GSE1: variants seen among roughly 807,000 people sequenced by gnomAD.
The protein encoded by GSE1 is Gse1 coiled-coil protein.
GSE1 carries 32 observed loss-of-function variants against 112.6 expected under a neutral mutation model. That is an observed-to-expected ratio of 0.28 (90% CI 0.21 to 0.38). The LOEUF is 0.38. Ranked by LOEUF, GSE1 falls within the 10% of genes least tolerant of loss-of-function variation. GSE1 has a pLI of 1.00. For synonymous variants in GSE1, 1,115 were observed against 735.6 expected, an observed-to-expected ratio of 1.52 and a Z score of -8.35; for missense variants, 2,348 against 1,699.2, an observed-to-expected ratio of 1.38 and a Z score of -6.71.
chr16:85,445,027 C>T (rs1423458104), intron 2 of GSE1, among the ~76,000 whole-genome samples: 2 of 152,238 alleles, frequency 1.3e-5, no homozygotes, highest in Non-Finnish European at 2.9e-5. Context: ...GGTTTCCCGC[C>T]GCACGCAGGC....
At chr16:85,509,650 C>T (rs947295520) in intron 2 of GSE1, among the ~76,000 whole-genome samples, 1 of 152,202 alleles carries the variant, frequency 6.6e-6, no homozygotes, top group Non-Finnish European at 1.5e-5. Flanking sequence ...GTATGCTGGC[C>T]CTGAAGGCCA....
intron 1 of GSE1, among the ~76,000 whole-genome samples, chr16:85,567,231 A>AG (rs1344972671): frequency 6.6e-6 from 1 of 152,078 alleles, no homozygotes; most frequent in African/African-American, 2.4e-5. Context: ...GTGGGTCTGC[A>AG]GGGGACCAGG....
intron 1 of GSE1, among the ~76,000 whole-genome samples, chr16:85,304,923 C>G (rs950230498): frequency 6.6e-6 from 1 of 152,222 alleles, no homozygotes; most frequent in African/African-American, 2.4e-5. Flanking sequence ...TAGCCCAGCA[C>G]TGAGTGACCC....
At chr16:85,612,419 C>T (rs1032722365), upstream of GSE1, among the ~76,000 whole-genome samples, 13 of 152,104 alleles carry the variant, frequency 8.5e-5, no homozygotes, top group Non-Finnish European at 1.8e-4. Flanking sequence ...AGGCGCTGCG[C>T]TGGGGCCAGA....
chr16:85,185,902 A>G (rs567134067), intron 1 of GSE1, among the ~76,000 whole-genome samples: 1 of 152,314 alleles, frequency 6.6e-6, no homozygotes, highest in African/African-American at 2.4e-5. Context: ...TATGGGGGAA[A>G]TTGACACAGT....
chr16:85,349,095 G>A (rs965173149), intron 1 of GSE1, among the ~76,000 whole-genome samples: 1 of 152,182 alleles, frequency 6.6e-6, no homozygotes, highest in Non-Finnish European at 1.5e-5. Context: ...TTACTCATTT[G>A]CCGGGTGCTG....
Position 85,323,553 on chromosome 16 carries a change from G to A in GSE1, c.2284-33910G>A, listed in dbSNP as rs1366547837. Among the ~76,000 whole-genome samples the A allele has an allele frequency of 3.9e-5, 6 of 152,230 alleles. No homozygotes were observed. The East Asian group carries it at 7.8e-4, about 20-fold the overall frequency. ...GGTGGATGGCACAGCCTGGTAGCTCGCGGGAGGTGAGGTGGGGCATGAAAT... is the reference window on the plus strand; with the variant it reads ...GGTGGATGGCACAGCCTGGTAGCTCACGGGAGGTGAGGTGGGGCATGAAAT... On this transcript the variant is annotated intron_variant, in intron 1 of 2. Transcript: ENST00000637419.
intron 1 of GSE1, among the ~76,000 whole-genome samples, chr16:85,229,140 T>C (rs1170799829): frequency 6.6e-6 from 1 of 152,064 alleles, no homozygotes; most frequent in East Asian, 1.9e-4. Flanking sequence ...GGGGCTGAGG[T>C]CTCCCTACCT....
At chr16:85,253,058 G>GCCCCCA (rs1567640694) in intron 1 of GSE1, among the ~76,000 whole-genome samples, 2 of 47,170 alleles carry the variant, frequency 4.2e-5, no homozygotes, top group Admixed American at 2.8e-4. Context: ...AGGCGCCCCC[G>GCCCCCA]CCCCCCCCCC....
At chr16:85,341,213 T>A (rs1272470177) in intron 1 of GSE1, among the ~76,000 whole-genome samples, 6 of 151,852 alleles carry the variant, frequency 4.0e-5, no homozygotes. Context: ...TTTTTTTAAA[T>A]AAACAGGGTG....
At chr16:85,361,670 G>A (rs2047085036) in intron 2 of GSE1, among the ~76,000 whole-genome samples, 1 of 152,240 alleles carries the variant, frequency 6.6e-6, no homozygotes, top group South Asian at 2.1e-4. Context: ...TGCCTCGTAC[G>A]TGGGGACAGC....
chr16:85,327,924 C>T (rs1019340022), intron 1 of GSE1, among the ~76,000 whole-genome samples: 1 of 152,128 alleles, frequency 6.6e-6, no homozygotes, highest in African/African-American at 2.4e-5. Flanking sequence ...AGTAGGGGGG[C>T]GGATGGCTCA....
At position 85,627,798 on chromosome 16, in the gene GSE1, G is replaced by A. The variant is rs567876581; in HGVS notation, c.8-6116G>A. ...AAGAATTCAGTCAATGTCCAGGAGC[G>A]CAGAAGTTAATAAATACCTCTCTAA... On this transcript the variant is annotated intron_variant, in intron 1 of 15. Coordinates refer to ENST00000253458, the MANE Select transcript of GSE1 (RefSeq NM_014615.5). Among the ~76,000 whole-genome samples, 16 of 152,330 alleles carry A rather than the reference G, an allele frequency of 1.1e-4. No homozygotes were observed. In the South Asian group the frequency reaches 2.5e-3, roughly 24 times the overall value.
At chr16:85,203,841 G>C (rs1010751678) in intron 1 of GSE1, among the ~76,000 whole-genome samples, 1 of 152,174 alleles carries the variant, frequency 6.6e-6, no homozygotes, top group Non-Finnish European at 1.5e-5. Flanking sequence ...GGGCTCAGGC[G>C]ATCCTCCCAC....
At chr16:85,305,923 C>T (rs182447277) in intron 1 of GSE1, among the ~76,000 whole-genome samples, 1 of 152,194 alleles carries the variant, frequency 6.6e-6, no homozygotes, top group East Asian at 2.0e-4. Context: ...AACACCGTCT[C>T]TACTAAAAAT....
At chr16:85,397,766 C>A (rs1351334550) in intron 2 of GSE1, among the ~76,000 whole-genome samples, 3 of 152,180 alleles carry the variant, frequency 2.0e-5, no homozygotes, top group Non-Finnish European at 4.4e-5. Flanking sequence ...TGTGGGACTG[C>A]AATGTGGAGG....
intron 1 of GSE1, among the ~76,000 whole-genome samples, chr16:85,184,070 C>G (rs2074651357): frequency 6.6e-6 from 1 of 152,210 alleles, no homozygotes; most frequent in African/African-American, 2.4e-5. Flanking sequence ...AACTCACTCC[C>G]TCAGAAGCAA....
intron 2 of GSE1, among the ~76,000 whole-genome samples, chr16:85,471,338 T>A (rs1286471937): frequency 6.6e-6 from 1 of 152,230 alleles, no homozygotes; most frequent in African/African-American, 2.4e-5. Context: ...CAGTTTAAGA[T>A]GAAGATAGTA....
At chr16:85,178,958 GC>G (rs1567591141) in intron 1 of GSE1, among the ~76,000 whole-genome samples, 1 of 152,102 alleles carries the variant, frequency 6.6e-6, no homozygotes, top group Non-Finnish European at 1.5e-5. Flanking sequence ...GGACTGTGGG[GC>G]TGCCCTGGAG....
Sources: gnomAD v4.1 joint callset for allele counts (sites outside exome capture counted in the v4.1 genomes callset) on GRCh38, gnomAD v4.1.1 for gene constraint, MANE v1.5 for transcripts, NCBI Gene and HGNC (gene_info 2026-07-23, HGNC 2026-07-21) for gene names.